The following CHID1 variants were observed in gnomAD, a reference collection of about 807,000 sequenced individuals.
CHID1 encodes the protein chitinase domain containing 1.
CHID1 carries 44 observed loss-of-function variants against 55.4 expected under a neutral mutation model. The ratio of observed to expected loss-of-function variants is 0.79; its 90% CI spans 0.62 to 1.02. CHID1 has a LOEUF of 1.02. Ranked by LOEUF, CHID1 falls within the 50% of genes least tolerant of loss-of-function variation. The pLI, the probability that CHID1 is intolerant of heterozygous loss-of-function variation, is 0.00. For missense variants in CHID1, 491 were observed against 515.3 expected, an observed-to-expected ratio of 0.95 and a Z score of 0.46; for synonymous variants, 216 against 212.9, an observed-to-expected ratio of 1.01 and a Z score of -0.13.
chr11:886,127 G>A (rs1850373978), intron 8 of CHID1, among the ~76,000 whole-genome samples: 1 of 148,006 alleles, frequency 6.8e-6, no homozygotes, highest in African/African-American at 2.5e-5. Flanking sequence ...CTCCAGCCTG[G>A]GCGACAAAGC....
At chr11:871,109 G>C (rs1460276845) in intron 10 of CHID1, among the ~76,000 whole-genome samples, 1 of 151,302 alleles carries the variant, frequency 6.6e-6, no homozygotes, top group South Asian at 2.1e-4. Context: ...TTCTGCCTCA[G>C]CCTCCTGAGT....
At chr11:900,568 G>A (rs1851731134) in intron 5 of CHID1, among the ~76,000 whole-genome samples, 4 of 152,196 alleles carry the variant, frequency 2.6e-5, no homozygotes, top group Admixed American at 2.0e-4. Context: ...AGCTACAGGG[G>A]CACAGATGGG....
chr11:881,002 G>A (rs1475041245), intron 10 of CHID1, among the ~76,000 whole-genome samples: 1 of 152,182 alleles, frequency 6.6e-6, no homozygotes, highest in East Asian at 1.9e-4. Flanking sequence ...CCCCAAACAA[G>A]GAGGAAAAGC....
At chr11:892,387 C>G (rs1850906749) in intron 8 of CHID1, among the ~76,000 whole-genome samples, 1 of 152,204 alleles carries the variant, frequency 6.6e-6, no homozygotes, top group Non-Finnish European at 1.5e-5. Context: ...GGGACAGGAC[C>G]CCCAACGCCT....
intron 8 of CHID1, among the ~76,000 whole-genome samples, chr11:885,717 G>A (rs570512235): frequency 3.9e-5 from 6 of 152,152 alleles, no homozygotes; most frequent in Admixed American, 2.0e-4. Context: ...TCCTCTCACC[G>A]AAACCCAAGA....
chr11:910,913 G>T, upstream of CHID1: 1 of 900,316 alleles, frequency 1.1e-6, no homozygotes, highest in Non-Finnish European at 1.4e-6. Flanking sequence ...CCAGGACAGG[G>T]GACTGGGCAG....
chr11:883,115 C>A, intron 10 of CHID1, 33 bp downstream of exon 10: 1 of 1,595,046 alleles, frequency 6.3e-7, no homozygotes. Flanking sequence ...CCCAGTGACA[C>A]CTTCAGCACG....
At chr11:880,546 G>A (rs1849840289) in intron 10 of CHID1, among the ~76,000 whole-genome samples, 1 of 152,206 alleles carries the variant, frequency 6.6e-6, no homozygotes, top group African/African-American at 2.4e-5. Context: ...GCCATGGAGG[G>A]GCTCACGGAG....
chr11:878,692 G>A (rs530563958), intron 10 of CHID1, among the ~76,000 whole-genome samples: 1 of 152,054 alleles, frequency 6.6e-6, no homozygotes, highest in East Asian at 1.9e-4. Context: ...TGAAGAAATA[G>A]TCTTTTTTAT....
intron 1 of CHID1, among the ~76,000 whole-genome samples, chr11:905,882 C>T (rs950785095): frequency 6.6e-6 from 1 of 152,082 alleles, no homozygotes; most frequent in Non-Finnish European, 1.5e-5. Flanking sequence ...GACTTTCATT[C>T]AGGAAATAAA....
chr11:869,852 G>A lies in CHID1; in HGVS notation c.*6C>T. The A allele has an allele frequency of 6.2e-7, 1 of 1,611,928 alleles. No individual in the cohort carries two copies. Among genetic ancestry groups the A allele is most frequent in the Non-Finnish European group, 8.5e-7 (1 of 1,178,890 alleles). ...ACACGTCCACCGCGGAGGCCGCAAT[G>A]CCCACCTAGAGCAGGTCGTAGAAGT... On this transcript the variant is annotated 3_prime_UTR_variant, in exon 13 of 13. Coordinates refer to ENST00000323578, the MANE Select transcript of CHID1 (RefSeq NM_023947.4).
intron 7 of CHID1, among the ~76,000 whole-genome samples, chr11:895,491 G>A (rs942976743): frequency 1.3e-5 from 2 of 152,136 alleles, no homozygotes; most frequent in South Asian, 2.1e-4. Flanking sequence ...TGCCCGGAGC[G>A]CTCCTCACGA....
At chr11:890,594 C>A (rs1288473696) in intron 8 of CHID1, among the ~76,000 whole-genome samples, 1 of 152,220 alleles carries the variant, frequency 6.6e-6, no homozygotes, top group Non-Finnish European at 1.5e-5. Flanking sequence ...GCTAACAATG[C>A]CCAGAAAACA....
chr11:892,062 A>G lies in CHID1; in HGVS notation c.701+1365T>C, dbSNP rs191476916. On this transcript the variant is annotated intron_variant, in intron 8 of 12. Coordinates refer to ENST00000323578, the MANE Select transcript of CHID1 (RefSeq NM_023947.4). ...CCTGGGAGGCAGAGGTTGCAGTGAG[A>G]TAAGATTGCACCACTGCACTCCAGC... is the stretch of plus-strand genomic sequence containing the variant. 2.0e-3 allele frequency among the ~76,000 whole-genome samples: 306 copies of G among 152,096 alleles called. 2 individuals are homozygous for G. Among genetic ancestry groups the G allele is most frequent in the African/African-American group, 7.1e-3 (296 of 41,476 alleles).
At chr11:871,727 C>T (rs1460742067) in intron 10 of CHID1, among the ~76,000 whole-genome samples, 3 of 152,200 alleles carry the variant, frequency 2.0e-5, no homozygotes, top group South Asian at 2.1e-4. Context: ...ACTGCAGGGG[C>T]GCAGGGACCT....
intron 8 of CHID1, 148 bp downstream of exon 8, chr11:893,279 T>G: frequency 1.2e-5 from 7 of 593,358 alleles, no homozygotes; most frequent in Non-Finnish European, 2.1e-5. Context: ...GGGCACAGAG[T>G]GTGTGGCAGC....
chr11:879,928 T>C (rs1430091353), intron 10 of CHID1, among the ~76,000 whole-genome samples: 2 of 152,188 alleles, frequency 1.3e-5, no homozygotes, highest in African/African-American at 4.8e-5. Context: ...GTGGGGGACA[T>C]GAGCTGTGCT....
intron 1 of CHID1, chr11:908,704 G>T: frequency 5.6e-6 from 4 of 711,712 alleles, no homozygotes; most frequent in Non-Finnish European, 6.9e-6. Flanking sequence ...CAGGGGACTG[G>T]CCCAGGAGTA....
At chr11:879,933 T>C (rs1018755854) in intron 10 of CHID1, among the ~76,000 whole-genome samples, 7 of 152,232 alleles carry the variant, frequency 4.6e-5, no homozygotes, top group African/African-American at 1.7e-4. Flanking sequence ...GGACATGAGC[T>C]GTGCTTCCAG....
Sources: allele counts gnomAD v4.1 joint callset (sites outside exome capture counted in the v4.1 genomes callset), GRCh38; gene constraint gnomAD v4.1.1; transcripts MANE v1.5; gene names NCBI Gene and HGNC (gene_info 2026-07-23, HGNC 2026-07-21).